The following UROD variants were observed in gnomAD, a reference collection of about 807,000 sequenced individuals.
UROD encodes uroporphyrinogen decarboxylase.
A neutral mutation model predicts 47.1 loss-of-function variants in UROD; 34 were observed. The ratio of observed to expected loss-of-function variants is 0.72; its 90% CI spans 0.55 to 0.96. UROD has a LOEUF of 0.96. Ranked by LOEUF, UROD falls within the 40% of genes least tolerant of loss-of-function variation. UROD has a pLI of 0.00. For missense variants in UROD, 381 were observed against 471.8 expected (o/e 0.81, Z 1.78); for synonymous variants, 148 against 175.8 (o/e 0.84, Z 1.25).
At position 45,015,469 on chromosome 1, in the gene UROD, A is replaced by G. The variant is rs1334995971; in HGVS notation, c.1075A>G (p.Lys359Glu). 8 of 1,614,140 alleles carry G rather than the reference A, an allele frequency of 5.0e-6. No individual in the cohort carries two copies. Among genetic ancestry groups the G allele is most frequent in the Non-Finnish European group, 6.8e-6 (8 of 1,180,054 alleles). ...GGGCGCCTTTGTGGATGCTGTGCAT[A>G]AACACTCACGTCTGCTTCGACAGAA... ...HVGAFVDAVH[K>E]HSRLLRQN The change falls in exon 10 of 10, where the codon AAA becomes GAA. Residue 359 changes from lysine to glutamate, a missense_variant. By Grantham distance (56) the Lys-to-Glu change is moderately conservative. Coordinates refer to ENST00000246337, the MANE Select transcript of UROD (RefSeq NM_000374.5).
In UROD at chr1:45,013,236, G is replaced by C. The variant is rs1356733922; in HGVS notation, c.213+21G>C. On this transcript the variant is annotated intron_variant, in intron 3 of 9. Coordinates refer to ENST00000246337, the MANE Select transcript of UROD (RefSeq NM_000374.5). This position sits in a 1 kb window ranked among gnomAD's most constrained non-coding sequence, Gnocchi z 4.2. ...TGCAGGTGAGGGGTCCACAAAAGAG[G>C]GAAAGATTTATGCCTTCAGTCTGCC... 1.2e-6 allele frequency: 2 copies of C among 1,614,024 alleles called. No homozygotes were observed. Among genetic ancestry groups the C allele is most frequent in the Non-Finnish European group, 1.7e-6 (2 of 1,180,036 alleles).
rs777303514 is a variant in UROD at position 45,013,371 on chromosome 1, G to C, written c.276+17G>C. 2 of 1,614,110 alleles carry C rather than the reference G, an allele frequency of 1.2e-6. No individual in the cohort carries two copies. The highest frequency in any genetic ancestry group is 1.7e-6 in the Non-Finnish European group (2 of 1,180,016). On this transcript the variant is annotated intron_variant, in intron 4 of 9. Coordinates refer to ENST00000246337, the MANE Select transcript of UROD (RefSeq NM_000374.5). This position sits in a 1 kb window ranked among gnomAD's most constrained non-coding sequence, Gnocchi z 4.2. ...GTACCCCAGGTACCCACTCAAACCT[G>C]ATCCTAGAATATAATCCAAGGACGC...
chr1:45,014,873 G>T, intron 8 of UROD, 37 bp downstream of exon 8: 1 of 1,614,196 alleles, frequency 6.2e-7, no homozygotes. Context: ...AGGTTGAGGT[G>T]GGGGTGTTGG....
chr1:45,014,941 G>C lies in UROD; in HGVS notation c.877G>C (p.Glu293Gln), dbSNP rs774377172. 23 of 1,614,060 alleles carry C rather than the reference G, an allele frequency of 1.4e-5. No individual in the cohort carries two copies. Among genetic ancestry groups the C allele is most frequent in the Non-Finnish European group, 1.9e-5 (22 of 1,180,038 alleles). ...ACGTGGCGCTGGCTTTGCTTCCAGG[G>C]AGTGTGTGGGGAAGACGGTGACATT... ...DWTVAPKKAR[E>Q]CVGKTVTLQG... is the part of the protein sequence containing the mutation. Residue 293 changes from glutamate (E) to glutamine (Q), a missense_variant and splice_region_variant, in exon 9 of 10, where the codon GAG becomes CAG. Physicochemically the swap from Glu to Gln is conservative, Grantham distance 29. Coordinates refer to ENST00000246337, the MANE Select transcript of UROD (RefSeq NM_000374.5).
At chr1:45,012,392 A>AGCTAACGGAGTTCAGGTTGGG in intron 1 of UROD, 107 bp downstream of exon 1, 1 of 1,488,572 alleles carries the variant, frequency 6.7e-7, no homozygotes, top group Non-Finnish European at 9.4e-7. Context: ...GAGACCTCCC[A>AGCTAACGGAGTTCAGGTTGGG]ACCTGAACTC....
At position 45,014,738 on chromosome 1, in the gene UROD, C is replaced by T. The variant is rs894143214; in HGVS notation, c.777C>T (p.Ile259=). 2 of 1,614,094 alleles carry T rather than the reference C, an allele frequency of 1.2e-6. No individual in the cohort carries two copies. The highest frequency in any genetic ancestry group is 8.5e-7 in the Non-Finnish European group (1 of 1,180,046). The change falls in exon 8 of 10, where the codon ATC becomes ATT. Residue 259 remains isoleucine (I), a splice_region_variant and synonymous_variant. Coordinates refer to ENST00000246337, the MANE Select transcript of UROD (RefSeq NM_000374.5). Reference sequence around the variant, plus strand: ...GCCTGAGATCTGCTTTTTTCTAGATCATCTTTGCTAAGGATGGGCATTTTG... The same window carrying T: ...GCCTGAGATCTGCTTTTTTCTAGATTATCTTTGCTAAGGATGGGCATTTTG... ...REAGLAPVPM[I]IFAKDGHFAL... is the part of the protein sequence containing the mutation.
In UROD at chr1:45,013,850, G is replaced by A. The variant is rs144936647; in HGVS notation, c.474+59G>A. On this transcript the variant is annotated intron_variant, in intron 5 of 9. Coordinates refer to ENST00000246337, the MANE Select transcript of UROD (RefSeq NM_000374.5). This position sits in a 1 kb window ranked among gnomAD's most constrained non-coding sequence, Gnocchi z 4.2. ...GGGAGATCACTCTGGAAGGTCTGGGGTAGACAAAAGGAAGGGTCAGTCTGG... is the reference window on the plus strand; with the variant it reads ...GGGAGATCACTCTGGAAGGTCTGGGATAGACAAAAGGAAGGGTCAGTCTGG... 5.6e-6 allele frequency: 9 copies of A among 1,614,218 alleles called. No homozygotes were observed. The highest frequency in any genetic ancestry group is 3.3e-4 in the Middle Eastern group (2 of 6,062).
At chr1:45,012,547 G>T (rs980565793) in intron 1 of UROD, 17 of 623,986 alleles carry the variant, frequency 2.7e-5, no homozygotes, top group Non-Finnish European at 3.3e-5. Flanking sequence ...CCCCAGCCTG[G>T]GTATTTCTCA....
chr1:45,015,570 G>A lies in UROD; in HGVS notation c.*72G>A, dbSNP rs149595045. 501 of 1,610,412 alleles carry A rather than the reference G, an allele frequency of 3.1e-4. 4 individuals are homozygous for A. The African/African-American group carries it at 5.8e-3, about 19-fold the overall frequency. On this transcript the variant is annotated 3_prime_UTR_variant, in exon 10 of 10. Transcript: ENST00000246337. ...TTTCCAGGACAATAAAAGTTTCGGAGTTGAACTATTGTGTAGTTTTGTTTG... is the reference window on the plus strand; with the variant it reads ...TTTCCAGGACAATAAAAGTTTCGGAATTGAACTATTGTGTAGTTTTGTTTG...
rs1194365342 is a variant in UROD, at chr1:45,015,425, A to C, written c.1031A>C (p.Asp344Ala). Residue 344 changes from aspartate to alanine, a missense_variant, in exon 10 of 10, where the codon GAC becomes GCC. Transcript: ENST00000246337. ...IANLGHGLYPDMDPEHVGAFV... is the reference protein window; with the variant it reads ...IANLGHGLYPAMDPEHVGAFV... ...AACCTGGGCCATGGGCTTTATCCTG[A>C]CATGGACCCAGAACATGTGGGCGCC... The C allele has an allele frequency of 6.2e-7, 1 of 1,614,218 alleles. No individual in the cohort carries two copies. The highest frequency in any genetic ancestry group is 1.7e-5 in the Admixed American group (1 of 60,020).
rs1644843650 is a variant in UROD, at chr1:45,015,398, C to T, written c.1004C>T (p.Ala335Val). The T allele has an allele frequency of 6.2e-7, 1 of 1,614,074 alleles. No homozygotes were observed. The highest frequency in any genetic ancestry group is 1.3e-5 in the African/African-American group (1 of 74,924). Residue 335 changes from alanine (A) to valine (V), a missense_variant, in exon 10 of 10, where the codon GCC (alanine) becomes GTC (valine). Coordinates refer to ENST00000246337, the MANE Select transcript of UROD (RefSeq NM_000374.5). ...GACTTTGGACCACATCGCTACATTGCCAACCTGGGCCATGGGCTTTATCCT... is the reference window on the plus strand; with the variant it reads ...GACTTTGGACCACATCGCTACATTGTCAACCTGGGCCATGGGCTTTATCCT... Reference protein sequence around the residue: ...LDDFGPHRYIANLGHGLYPDM... With the variant: ...LDDFGPHRYIVNLGHGLYPDM...
In UROD at chr1:45,012,574, AGTGACATTCCC is replaced by A. The variant is rs1260603748; in HGVS notation, c.20+292_20+302del. 26 of 616,698 alleles carry A rather than the reference AGTGACATTCCC, an allele frequency of 4.2e-5. No individual in the cohort carries two copies. The Admixed American group carries it at 7.7e-4, about 18-fold the overall frequency. The allele number at this position is 616,698 out of a possible 1,614,324, so 38.2% of individuals were successfully genotyped here. A position where few individuals can be genotyped will look rare whatever the true frequency, so the allele number is the denominator to read the frequency against. On this transcript the variant is annotated intron_variant, in intron 1 of 9. Coordinates refer to ENST00000246337, the MANE Select transcript of UROD (RefSeq NM_000374.5). ...TATTTCTCAGCCCCTGAACCAGCCCAGTGACATTCCCGTTTCTGAGGCTCACTAGTTCGAAG... is the reference window on the plus strand; with the variant it reads ...TATTTCTCAGCCCCTGAACCAGCCCAGTTTCTGAGGCTCACTAGTTCGAAG...
At position 45,014,588 on chromosome 1, in the gene UROD, G is replaced by T. The variant is rs186269864; in HGVS notation, c.774+12G>T. On this transcript the variant is annotated intron_variant, in intron 7 of 9. Transcript: ENST00000246337. ...CACCAGTGCCCATGGTGAGGATTGGGATGGGTTGAGTGAAGGTGGTCCTGT... is the reference window on the plus strand; with the variant it reads ...CACCAGTGCCCATGGTGAGGATTGGTATGGGTTGAGTGAAGGTGGTCCTGT... 6.2e-7 allele frequency: 1 copy of T among 1,614,032 alleles called. No homozygotes were observed. Among genetic ancestry groups the T allele is most frequent in the African/African-American group, 1.3e-5 (1 of 74,930 alleles).
chr1:45,015,156 C>A, intron 9 of UROD, 150 bp downstream of exon 9: 3 of 1,455,404 alleles, frequency 2.1e-6, no homozygotes, highest in East Asian at 2.4e-5. Flanking sequence ...CTTTTTGTTG[C>A]TGTTGTTCAT....
chr1:45,013,254 A>G lies in UROD; in HGVS notation c.214-38A>G. On this transcript the variant is annotated intron_variant, in intron 3 of 9. Transcript: ENST00000246337. The surrounding 1 kb of genome is among the most constrained non-coding windows in gnomAD (Gnocchi z 4.2). Reference sequence around the variant, plus strand: ...AAAAGAGGGAAAGATTTATGCCTTCAGTCTGCCACCTAGCAACCTGTCTCC... The same window carrying G: ...AAAAGAGGGAAAGATTTATGCCTTCGGTCTGCCACCTAGCAACCTGTCTCC... 6.2e-7 allele frequency: 1 copy of G among 1,614,196 alleles called. No homozygotes were observed. The highest frequency in any genetic ancestry group is 8.5e-7 in the Non-Finnish European group (1 of 1,180,036).
Position 45,014,550 on chromosome 1 carries a change from G to T in UROD, c.748G>T (p.Glu250Ter), listed in dbSNP as rs200337294. 6.2e-7 allele frequency: 1 copy of T among 1,614,254 alleles called. No individual in the cohort carries two copies. The highest frequency in any genetic ancestry group is 1.7e-5 in the Admixed American group (1 of 60,036). Reference sequence around the variant, plus strand: ...CAAGCAAGTGAAGGCCAGGTTGCGGGAGGCAGGCCTGGCACCAGTGCCCAT... The same window carrying T: ...CAAGCAAGTGAAGGCCAGGTTGCGGTAGGCAGGCCTGGCACCAGTGCCCAT... ...VAKQVKARLR[E>*]AGLAPVPMII... Residue 250 changes from glutamate (E) to a stop codon, truncating the protein, a stop_gained, in exon 7 of 10, where the codon GAG (glutamate) becomes TAG (stop). Coordinates refer to ENST00000246337, the MANE Select transcript of UROD (RefSeq NM_000374.5). LOFTEE classifies it high-confidence loss of function.
chr1:45,012,286 G>A lies in UROD; in HGVS notation c.20+1G>A, dbSNP rs567894083. The A allele has an allele frequency of 1.2e-6, 2 of 1,614,062 alleles. No homozygotes were observed. The highest frequency in any genetic ancestry group is 2.2e-5 in the East Asian group (1 of 44,878). On this transcript the variant is annotated splice_donor_variant, in intron 1 of 9. Transcript: ENST00000246337. LOFTEE classifies it high-confidence loss of function. ...TGACCATGGAAGCGAATGGGTTGGG[G>A]TGAGTTCTCCAGAGCACGCGGTGTG...
intron 7 of UROD, 49 bp downstream of exon 7, chr1:45,014,625 G>A (rs1192053576): frequency 6.2e-7 from 1 of 1,613,832 alleles, no homozygotes; most frequent in Non-Finnish European, 8.5e-7. Flanking sequence ...GAGCTTTCAG[G>A]CTAAGTCCTG....
rs1357527448 is a variant in UROD at position 45,013,171 on chromosome 1, A to G, written c.169A>G (p.Ser57Gly). Residue 57 changes from serine to glycine, a missense_variant, in exon 3 of 10, where the codon AGC (serine) becomes GGC (glycine). Coordinates refer to ENST00000246337, the MANE Select transcript of UROD (RefSeq NM_000374.5). The surrounding 1 kb of genome is among the most constrained non-coding windows in gnomAD (Gnocchi z 4.2). ...RETRAAQDFF[S>G]TCRSPEACCE... ...AACCCGGGCTGCCCAGGACTTTTTC[A>G]GCACGTGTCGCTCTCCTGAGGCCTG... 3 of 1,614,076 alleles carry G rather than the reference A, an allele frequency of 1.9e-6. No individual in the cohort carries two copies. The African/African-American group carries it at 4.0e-5, about 22-fold the overall frequency.
Sources: gnomAD v4.1 joint callset for allele counts on GRCh38, gnomAD v4.1.1 for gene constraint, Gnocchi (gnomAD v3.1) non-coding constraint, MANE v1.5 for transcripts, NCBI Gene and HGNC (gene_info 2026-07-23, HGNC 2026-07-21) for gene names.